PTPRQ: variants seen among roughly 807,000 people sequenced by gnomAD.
The protein encoded by PTPRQ is phosphatidylinositol phosphatase PTPRQ.
In PTPRQ, 199 loss-of-function variants were observed where a neutral mutation model predicts 246.0. That is an observed-to-expected ratio of 0.81 (90% confidence interval 0.72 to 0.91). PTPRQ has a LOEUF of 0.91. Among genes scored for constraint, PTPRQ ranks in the 40% least tolerant of loss-of-function variants. PTPRQ has a pLI of 0.00. For synonymous variants in PTPRQ, 869 were observed against 853.2 expected (o/e 1.02, Z -0.32); for missense variants, 2,624 against 2,528.4 (o/e 1.04, Z -0.81).
chr12:80,572,045 T>C (rs1897159493), intron 25 of PTPRQ, among the ~76,000 whole-genome samples: 1 of 152,064 alleles, frequency 6.6e-6, no homozygotes, highest in Non-Finnish European at 1.5e-5. Context: ...AATGATCTTA[T>C]TAATTTTTAC....
At chr12:80,470,924 TGAGGGA>T (rs1303103551) in intron 7 of PTPRQ, among the ~76,000 whole-genome samples, 2 of 152,146 alleles carry the variant, frequency 1.3e-5, no homozygotes, top group Non-Finnish European at 2.9e-5. Context: ...GTTATGATCT[TGAGGGA>T]GTGGCTGAAA....
intron 17 of PTPRQ, among the ~76,000 whole-genome samples, chr12:80,515,938 C>G (rs558216464): frequency 6.6e-6 from 1 of 152,104 alleles, no homozygotes; most frequent in African/African-American, 2.4e-5. Context: ...CTGTTTTAAT[C>G]CATTGCATTT....
At chr12:80,503,145 G>C (rs1386140505) in intron 14 of PTPRQ, among the ~76,000 whole-genome samples, 1 of 151,760 alleles carries the variant, frequency 6.6e-6, no homozygotes, top group Non-Finnish European at 1.5e-5. Context: ...TGAGACTATG[G>C]TAGAAAAACA....
Position 80,473,115 on chromosome 12 carries a change from G to C in PTPRQ, c.1186+864G>C, listed in dbSNP as rs1301308445. ...ATCGTTCAAGCGTTTGACCATTAGAGGGCAGTAACTATTAGGAAATTTTGT... is the reference window on the plus strand; with the variant it reads ...ATCGTTCAAGCGTTTGACCATTAGACGGCAGTAACTATTAGGAAATTTTGT... On this transcript the variant is annotated intron_variant, in intron 8 of 44. Transcript: ENST00000644991. Among the ~76,000 whole-genome samples the C allele has an allele frequency of 2.6e-5, 4 of 151,844 alleles. No homozygotes were observed. In the East Asian group the frequency reaches 7.7e-4, roughly 29 times the overall value.
intron 38 of PTPRQ, among the ~76,000 whole-genome samples, chr12:80,655,850 T>C (rs1453195698): frequency 2.0e-5 from 3 of 152,278 alleles, no homozygotes; most frequent in South Asian, 2.1e-4. Context: ...CCCTGAGTAA[T>C]GTAAGAAGCA....
chr12:80,561,041 C>T (rs998631417), intron 25 of PTPRQ: 8 of 153,474 alleles, frequency 5.2e-5, no homozygotes, highest in Non-Finnish European at 8.8e-5. Flanking sequence ...CCCTCTGCCA[C>T]TTGACTGTAT....
In PTPRQ at chr12:80,572,584, T is replaced by A. The variant is rs575198413; in HGVS notation, c.4286-15545T>A. 5.3e-5 allele frequency among the ~76,000 whole-genome samples: 8 copies of A among 152,280 alleles called. No individual in the cohort carries two copies. In the South Asian group the frequency reaches 1.7e-3, roughly 32 times the overall value. On this transcript the variant is annotated intron_variant, in intron 25 of 44. Coordinates refer to ENST00000644991, the MANE Select transcript of PTPRQ (RefSeq NM_001145026.2). Reference sequence around the variant, plus strand: ...GGTGATAAAAGCCAATATCCTTGTGTTGTTCCCAATTTCAGGGAGAAGGAT... The same window carrying A: ...GGTGATAAAAGCCAATATCCTTGTGATGTTCCCAATTTCAGGGAGAAGGAT...
chr12:80,615,668 A>G (rs1308916039), intron 29 of PTPRQ, among the ~76,000 whole-genome samples: 1 of 151,122 alleles, frequency 6.6e-6, no homozygotes, highest in African/African-American at 2.4e-5. Flanking sequence ...CAGGGGAATG[A>G]TTTAATACAG....
At chr12:80,592,825 C>A (rs1897844854) in intron 26 of PTPRQ, among the ~76,000 whole-genome samples, 1 of 152,076 alleles carries the variant, frequency 6.6e-6, no homozygotes. Flanking sequence ...GCCTTTCCAA[C>A]ATGGTGAAAC....
At chr12:80,595,378 T>C (rs951301666) in intron 26 of PTPRQ, among the ~76,000 whole-genome samples, 19 of 152,130 alleles carry the variant, frequency 1.2e-4, no homozygotes, top group African/African-American at 4.6e-4. Context: ...GACTTTAATG[T>C]TAAAGTGTTA....
At position 80,541,578 on chromosome 12, in the gene PTPRQ, C is replaced by T. The variant is rs76871085; in HGVS notation, c.3178C>T (p.Leu1060=). 261 of 1,531,140 alleles carry T rather than the reference C, an allele frequency of 1.7e-4. 3 individuals carry two copies. The African/African-American group carries it at 3.2e-3, about 19-fold the overall frequency. The allele number at this position is 1,531,140 out of a possible 1,614,324, so 94.8% of individuals were successfully genotyped here. ...QDIPEGFVGN[L]TYESISSTAI... ...AGTACCTGAAGGGTTTGTTGGAAAC[C>T]TGACTTACGAATCCATTTCGTCAAC... The change falls in exon 21 of 45, where the codon CTG becomes TTG. Residue 1060 remains leucine, a synonymous_variant. Coordinates refer to ENST00000644991, the MANE Select transcript of PTPRQ (RefSeq NM_001145026.2).
intron 8 of PTPRQ, among the ~76,000 whole-genome samples, chr12:80,473,214 G>T (rs1346437395): frequency 2.0e-5 from 3 of 152,146 alleles, no homozygotes; most frequent in Non-Finnish European, 2.9e-5. Context: ...ATCTATTTCA[G>T]ATGAAAATCC....
intron 14 of PTPRQ, among the ~76,000 whole-genome samples, chr12:80,503,556 A>T (rs545986001): frequency 2.6e-5 from 4 of 151,920 alleles, no homozygotes; most frequent in African/African-American, 9.6e-5. Context: ...TATGCATTCA[A>T]TTTAGAATAC....
chr12:80,559,129 C>T (rs911101662), intron 25 of PTPRQ, among the ~76,000 whole-genome samples: 1 of 152,200 alleles, frequency 6.6e-6, no homozygotes, highest in African/African-American at 2.4e-5. Context: ...ACCGGAACCT[C>T]CGCCTCCCGG....
intron 26 of PTPRQ, among the ~76,000 whole-genome samples, chr12:80,591,556 G>C (rs1897803572): frequency 6.6e-6 from 1 of 152,170 alleles, no homozygotes; most frequent in African/African-American, 2.4e-5. Context: ...CAGTGCAGGT[G>C]ATGATAAGGA....
At chr12:80,509,459 C>T (rs10862157) in intron 16 of PTPRQ, among the ~76,000 whole-genome samples, 48,919 of 151,884 alleles carry the variant, frequency 0.32, 9,171 homozygotes, top group African/African-American at 0.51. Context: ...TAGCTACCTA[C>T]GAATTCACAT....
At position 80,670,446 on chromosome 12, in the gene PTPRQ, C is replaced by T. The variant is rs933245871; in HGVS notation, c.6556C>T (p.Arg2186Ter). ...APLIHFVKLV[R>*]ASRAHDTTPM... ...TCTAATTCACTTTGTGAAGTTGGTT[C>T]GAGCAAGCAGGGCACATGACACCAC... The change falls in exon 42 of 45, where the codon CGA (arginine) becomes TGA (stop). Residue 2186 changes from arginine (R) to a stop codon, truncating the protein, a stop_gained. Coordinates refer to ENST00000644991, the MANE Select transcript of PTPRQ (RefSeq NM_001145026.2). LOFTEE classifies it high-confidence loss of function. 2.9e-5 allele frequency: 45 copies of T among 1,551,076 alleles called. 1 individual carries two copies. Among genetic ancestry groups the T allele is most frequent in the Non-Finnish European group, 3.9e-5 (45 of 1,146,592 alleles).
In PTPRQ at chr12:80,542,856, A is replaced by G. The variant is rs1393642431; in HGVS notation, c.3848A>G (p.His1283Arg). 4.6e-6 allele frequency: 7 copies of G among 1,531,108 alleles called. No individual in the cohort carries two copies. The highest frequency in any genetic ancestry group is 6.2e-6 in the Non-Finnish European group (7 of 1,136,138). 94.8% of individuals were successfully genotyped at this position (1,531,108 alleles called of 1,614,324 possible). Residue 1283 changes from histidine to arginine, a missense_variant, in exon 23 of 45, where the codon CAT becomes CGT. By Grantham distance (29) the His-to-Arg change is conservative. Coordinates refer to ENST00000644991, the MANE Select transcript of PTPRQ (RefSeq NM_001145026.2). ...GTATATAGTTTTAAAATTCATGAAC[A>G]TGAAACTGACACTATATATTATAAG... ...VKVYSFKIHE[H>R]ETDTIYYKNI...
chr12:80,572,012 G>A (rs1039379591), intron 25 of PTPRQ, among the ~76,000 whole-genome samples: 1 of 151,924 alleles, frequency 6.6e-6, no homozygotes, highest in African/African-American at 2.4e-5. Flanking sequence ...GTCTTTGCAT[G>A]TCCATATAAA....
Sources: allele counts gnomAD v4.1 joint callset (sites outside exome capture counted in the v4.1 genomes callset), GRCh38; gene constraint gnomAD v4.1.1; transcripts MANE v1.5; gene names NCBI Gene and HGNC (gene_info 2026-07-23, HGNC 2026-07-21).